Variants in PPP3CA observed in about 807,000 individuals in gnomAD.
PPP3CA encodes the protein CAM-PRP catalytic subunit.
PPP3CA carries 14 observed loss-of-function variants against 66.5 expected under a neutral mutation model. The ratio of observed to expected loss-of-function variants is 0.21; its 90% CI spans 0.14 to 0.33. The LOEUF is 0.33. PPP3CA is among the 10% of genes least tolerant of loss of function. The pLI is 1.00. For missense variants in PPP3CA, 317 were observed against 639.5 expected, an observed-to-expected ratio of 0.50 and a Z score of 5.44; for synonymous variants, 232 against 226.2, an observed-to-expected ratio of 1.03 and a Z score of -0.23.
intron 10 of PPP3CA, among the ~76,000 whole-genome samples, chr4:101,042,434 T>G (rs781729118): frequency 6.6e-6 from 1 of 152,224 alleles, no homozygotes; most frequent in African/African-American, 2.4e-5. Flanking sequence ...TTTCAACATA[T>G]CCAATGGGAA....
At position 101,025,716 on chromosome 4, in the gene PPP3CA, T is replaced by C. The variant is rs1726604252; in HGVS notation, c.*149A>G. On this transcript the variant is annotated 3_prime_UTR_variant, in exon 14 of 14. Transcript: ENST00000394854. ...CTCTCTCCCTCTTTTTTAATGATAG[T>C]GTAAACTGAATCCAATTCCTGGCCC... 1 of 596,796 alleles carries C rather than the reference T, an allele frequency of 1.7e-6. No homozygotes were observed. The highest frequency in any genetic ancestry group is 2.9e-5 in the East Asian group (1 of 34,268). 37.0% of individuals were successfully genotyped at this position (596,796 alleles called of 1,614,324 possible).
chr4:101,264,345 T>C (rs192934502), intron 1 of PPP3CA, among the ~76,000 whole-genome samples: 52 of 152,276 alleles, frequency 3.4e-4, no homozygotes, highest in African/African-American at 1.2e-3. Flanking sequence ...CTTTTTAATT[T>C]TAATAGGAAT....
chr4:101,300,335 G>T (rs1728335905), intron 1 of PPP3CA, among the ~76,000 whole-genome samples: 1 of 152,140 alleles, frequency 6.6e-6, no homozygotes, highest in African/African-American at 2.4e-5. Flanking sequence ...AAGCTATTAG[G>T]ATCAAAAATT....
At chr4:101,327,495 A>G (rs1340597936) in intron 1 of PPP3CA, among the ~76,000 whole-genome samples, 3 of 145,364 alleles carry the variant, frequency 2.1e-5, no homozygotes, top group Admixed American at 6.9e-5. Flanking sequence ...TTTGTGGGAG[A>G]AAAAAAAAAA....
chr4:101,063,750 T>C (rs1422451470), intron 8 of PPP3CA, among the ~76,000 whole-genome samples: 4 of 151,946 alleles, frequency 2.6e-5, no homozygotes, highest in Non-Finnish European at 5.9e-5. Context: ...TTTGAATGAA[T>C]TTATTTTTAA....
At chr4:101,206,234 A>G (rs1387076591) in intron 1 of PPP3CA, among the ~76,000 whole-genome samples, 1 of 152,174 alleles carries the variant, frequency 6.6e-6, no homozygotes, top group Non-Finnish European at 1.5e-5. Context: ...TCACTCCCCA[A>G]ATCATAATCT....
chr4:101,265,651 A>T (rs1372509343), intron 1 of PPP3CA, among the ~76,000 whole-genome samples: 1 of 152,238 alleles, frequency 6.6e-6, no homozygotes, highest in African/African-American at 2.4e-5. Flanking sequence ...TTGAAGGAGA[A>T]GATGAATGAA....
At chr4:101,254,490 C>G (rs1726778045) in intron 1 of PPP3CA, among the ~76,000 whole-genome samples, 1 of 151,748 alleles carries the variant, frequency 6.6e-6, no homozygotes, top group South Asian at 2.1e-4. Context: ...TTTTTTCAGG[C>G]TCTAAAATGG....
chr4:101,225,574 A>T (rs931550019), intron 1 of PPP3CA, among the ~76,000 whole-genome samples: 2 of 151,830 alleles, frequency 1.3e-5, no homozygotes, highest in African/African-American at 4.8e-5. Context: ...TTGGTTCCAG[A>T]ATGCTGGTAT....
At chr4:101,201,030 T>C (rs1479621964) in intron 1 of PPP3CA, among the ~76,000 whole-genome samples, 1 of 152,240 alleles carries the variant, frequency 6.6e-6, no homozygotes, top group Non-Finnish European at 1.5e-5. Flanking sequence ...TGATACAGTA[T>C]TTTAAAAAGT....
In PPP3CA at chr4:101,333,270, GTTTTTTTTTTTTTTTTT is replaced by G. The variant is rs70961788; in HGVS notation, c.58+13452_58+13468del. On this transcript the variant is annotated intron_variant, in intron 1 of 13. Transcript: ENST00000394854. ...CTACAGGCATGCACTACCATGCCCA[GTTTTTTTTTTTTTTTTT>G]TTTTTTTTTTTTTTTTTTTTTTGTA... is the stretch of plus-strand genomic sequence containing the variant. 6.2e-3 allele frequency among the ~76,000 whole-genome samples: 292 copies of G among 47,270 alleles called. 10 individuals carry two copies. Among genetic ancestry groups the G allele is most frequent in the African/African-American group, 0.017 (265 of 15,658 alleles). 31.0% of individuals were successfully genotyped at this position (47,270 alleles called of 152,430 possible).
chr4:101,315,557 A>T (rs1203211875), intron 1 of PPP3CA, among the ~76,000 whole-genome samples: 1 of 152,228 alleles, frequency 6.6e-6, no homozygotes, highest in Admixed American at 6.5e-5. Context: ...AATATGCCCA[A>T]AAGAATAAAG....
chr4:101,233,315 G>A (rs1726024073), intron 1 of PPP3CA, among the ~76,000 whole-genome samples: 1 of 151,716 alleles, frequency 6.6e-6, no homozygotes, highest in Non-Finnish European at 1.5e-5. Context: ...GGCTTTTAGT[G>A]CTAAATCCAC....
At chr4:101,276,775 C>T (rs937389865) in intron 1 of PPP3CA, among the ~76,000 whole-genome samples, 1 of 152,146 alleles carries the variant, frequency 6.6e-6, no homozygotes, top group Non-Finnish European at 1.5e-5. Flanking sequence ...TACAGAGTTC[C>T]CATTTACCCC....
chr4:101,295,747 C>CATT (rs1489793830), intron 1 of PPP3CA, among the ~76,000 whole-genome samples: 2 of 152,170 alleles, frequency 1.3e-5, no homozygotes, highest in Admixed American at 6.6e-5. Context: ...GCCATATAGG[C>CATT]ATTACCTACT....
intron 12 of PPP3CA, among the ~76,000 whole-genome samples, chr4:101,031,067 T>C (rs1407929343): frequency 7.8e-6 from 1 of 127,740 alleles, no homozygotes; most frequent in Non-Finnish European, 1.9e-5. Flanking sequence ...ATTTTTGTCT[T>C]TTTGTAAAAA....
intron 1 of PPP3CA, among the ~76,000 whole-genome samples, chr4:101,236,952 T>C (rs765420066): frequency 6.6e-6 from 1 of 151,358 alleles, no homozygotes; most frequent in Non-Finnish European, 1.5e-5. Context: ...TAATAGAGCA[T>C]TTATCTCATA....
At chr4:101,123,020 G>A (rs1722078804) in intron 2 of PPP3CA, among the ~76,000 whole-genome samples, 1 of 152,102 alleles carries the variant, frequency 6.6e-6, no homozygotes, top group African/African-American at 2.4e-5. Context: ...AAAATAATAA[G>A]TGAAGCCATT....
chr4:101,253,263 A>G (rs1021852848), intron 1 of PPP3CA, among the ~76,000 whole-genome samples: 10 of 152,166 alleles, frequency 6.6e-5, no homozygotes, highest in Admixed American at 5.2e-4. Context: ...CTGCTACTAT[A>G]TATTATTTTT....
Sources: allele counts gnomAD v4.1 joint callset (sites outside exome capture counted in the v4.1 genomes callset), GRCh38; gene constraint gnomAD v4.1.1; transcripts MANE v1.5; gene names NCBI Gene and HGNC (gene_info 2026-07-23, HGNC 2026-07-21).